The following LOC400499 variants were observed in gnomAD, a reference collection of about 807,000 sequenced individuals.
the LOC400499 span, among the ~76,000 whole-genome samples, chr16:11,412,596 G>A: frequency 6.6e-6 from 1 of 152,218 alleles, no homozygotes; most frequent in African/African-American, 2.4e-5. Context: ...TAAGTGTTTG[G>A]GGCCTTGGAT....
the LOC400499 span, chr16:11,385,305 G>A: frequency 6.6e-5 from 81 of 1,232,204 alleles, no homozygotes; most frequent in Middle Eastern, 6.2e-4. Context: ...CAGCGAGAAT[G>A]TGTTGTGAGC....
At chr16:11,485,619 CATCT>C in the LOC400499 span, among the ~76,000 whole-genome samples, 9 of 152,334 alleles carry the variant, frequency 5.9e-5, no homozygotes, top group East Asian at 7.7e-4. Flanking sequence ...TCCATCCATC[CATCT>C]GCCTCTCCAC....
chr16:11,513,429 T>G, the LOC400499 span, among the ~76,000 whole-genome samples: 2 of 151,198 alleles, frequency 1.3e-5, no homozygotes, highest in Admixed American at 6.6e-5. Context: ...ATTTAAAAAT[T>G]TATTTATTTA....
chr16:11,453,635 C>T, the LOC400499 span, among the ~76,000 whole-genome samples: 2 of 152,030 alleles, frequency 1.3e-5, 1 homozygote, highest in African/African-American at 4.8e-5. Context: ...AGGAAATCGG[C>T]TCTTGAACAG....
the LOC400499 span, chr16:11,404,860 C>T: frequency 7.5e-5 from 30 of 398,830 alleles, no homozygotes; most frequent in East Asian, 2.1e-4. Context: ...CTGGGAAGAG[C>T]GCTGAGCTGG....
the LOC400499 span, chr16:11,439,658 C>A: frequency 2.5e-6 from 1 of 398,444 alleles, no homozygotes. Flanking sequence ...GGCTACTGGG[C>A]AAATGCATCC....
the LOC400499 span, among the ~76,000 whole-genome samples, chr16:11,382,143 G>T: frequency 1.1e-4 from 17 of 151,478 alleles, no homozygotes; most frequent in Non-Finnish European, 5.9e-5. Context: ...TCGCCATGTT[G>T]GCCAGGCTGG....
chr16:11,452,350 C>T, the LOC400499 span, among the ~76,000 whole-genome samples: 1 of 152,042 alleles, frequency 6.6e-6, no homozygotes. Context: ...CTAATTGTCT[C>T]CCAAGTTCAA....
the LOC400499 span, chr16:11,446,519 G>A: frequency 7.8e-6 from 12 of 1,530,578 alleles, no homozygotes; most frequent in East Asian, 4.9e-5. Context: ...GCTGGCTGGG[G>A]TGCAAAAGTC....
At chr16:11,448,540 AAACAAACAAACAAACAAACAAACAAAC>A in the LOC400499 span, among the ~76,000 whole-genome samples, 1,613 of 151,126 alleles carry the variant, frequency 0.011, 37 homozygotes, top group African/African-American at 0.037. Flanking sequence ...ACAAACAAAC[AAACAAACAAACAAACAAACAAACAAAC>A]GTCAGTGATG....
the LOC400499 span, among the ~76,000 whole-genome samples, chr16:11,489,463 G>T: frequency 3.8e-4 from 57 of 151,984 alleles, no homozygotes; most frequent in African/African-American, 1.3e-3. Flanking sequence ...GTCCCTGGAG[G>T]GATAAAGATC....
chr16:11,437,151 G>T, the LOC400499 span, among the ~76,000 whole-genome samples: 1 of 152,168 alleles, frequency 6.6e-6, no homozygotes, highest in African/African-American at 2.4e-5. Context: ...GTTGCCAGGG[G>T]GTGGAGTGTA....
chr16:11,474,964 T>C, the LOC400499 span, among the ~76,000 whole-genome samples: 282 of 152,346 alleles, frequency 1.9e-3, no homozygotes, highest in African/African-American at 6.5e-3. Flanking sequence ...CCTTCTCTTG[T>C]TCCTAAGCAG....
chr16:11,404,150 A>G, the LOC400499 span, among the ~76,000 whole-genome samples: 1 of 151,346 alleles, frequency 6.6e-6, no homozygotes, highest in African/African-American at 2.4e-5. Context: ...AGACCACCCC[A>G]CCTAAAGGAG....
chr16:11,511,331 G>T, the LOC400499 span, among the ~76,000 whole-genome samples: 1 of 152,064 alleles, frequency 6.6e-6, no homozygotes, highest in African/African-American at 2.4e-5. Flanking sequence ...TAACCTATGG[G>T]GTAAGGGGTG....
the LOC400499 span, chr16:11,523,676 T>C: frequency 2.6e-6 from 1 of 379,554 alleles, no homozygotes; most frequent in Non-Finnish European, 4.7e-6. Flanking sequence ...AATTTGCTCT[T>C]GTTCATCTTG....
chr16:11,454,007 G>C, the LOC400499 span, among the ~76,000 whole-genome samples: 3 of 152,086 alleles, frequency 2.0e-5, no homozygotes, highest in Non-Finnish European at 2.9e-5. Context: ...TAAGGACCCA[G>C]TACAATGGAA....
At chr16:11,372,624 C>CT in the LOC400499 span, 2 of 500,580 alleles carry the variant, frequency 4.0e-6, no homozygotes, top group Non-Finnish European at 5.2e-6. Context: ...GCATTCCATG[C>CT]TGGTTATTCT....
chr16:11,500,774 C>T, the LOC400499 span: 6,338 of 399,042 alleles, frequency 0.016, 62 homozygotes, highest in South Asian at 0.038. Context: ...GGGAGGACAC[C>T]GGGGCCCCGG....
Sources: allele counts gnomAD v4.1 joint callset (sites outside exome capture counted in the v4.1 genomes callset), GRCh38; gene constraint gnomAD v4.1.1; transcripts MANE v1.5.